Variants in CYP4A11 observed in about 807,000 individuals in gnomAD.
The protein encoded by CYP4A11 is cytochrome P450 family 4 subfamily A member 11.
In CYP4A11, 52 loss-of-function variants were observed where a neutral mutation model predicts 57.7. The ratio of observed to expected loss-of-function variants is 0.90; its 90% confidence interval spans 0.72 to 1.14. CYP4A11 has a LOEUF of 1.14. Among genes scored for constraint, CYP4A11 ranks in the 50% most tolerant of loss-of-function variants. The probability of loss-of-function intolerance (pLI) is 0.00; values close to 1 mark genes in which losing one functional copy is unlikely to be tolerated. For synonymous variants in CYP4A11, 228 were observed against 247.1 expected (o/e 0.92, Z 0.72); for missense variants, 641 against 642.1 (o/e 1.00, Z 0.02).
intron 9 of CYP4A11, 25 bp downstream of exon 9, chr1:46,933,921 G>A (rs574612827): frequency 6.2e-7 from 1 of 1,613,856 alleles, no homozygotes; most frequent in African/African-American, 1.3e-5. Flanking sequence ...GAGAGTTTAG[G>A]TGAGAGGGTG....
At chr1:46,932,151 A>C in intron 11 of CYP4A11, 1 of 986,316 alleles carries the variant, frequency 1.0e-6, no homozygotes, top group Non-Finnish European at 1.2e-6. Context: ...ATGCAGTAAA[A>C]ATTTCATTGG....
At chr1:46,936,256 G>A (rs1480213217) in intron 4 of CYP4A11, among the ~76,000 whole-genome samples, 2 of 152,212 alleles carry the variant, frequency 1.3e-5, no homozygotes, top group Non-Finnish European at 2.9e-5. Context: ...GCAGAAACCC[G>A]GGGCCCCAGG....
chr1:46,930,857 C>T (rs1485148411), intron 11 of CYP4A11, among the ~76,000 whole-genome samples: 1 of 152,058 alleles, frequency 6.6e-6, no homozygotes, highest in Admixed American at 6.5e-5. Context: ...TCAGTGTTGC[C>T]CCACCTGCCT....
At chr1:46,941,201 T>C (rs533214883) in intron 1 of CYP4A11, 38 bp downstream of exon 1, 3 of 1,593,314 alleles carry the variant, frequency 1.9e-6, no homozygotes, top group Non-Finnish European at 2.6e-6. Flanking sequence ...GCCCCATCCC[T>C]CTTTGCCCTC....
At chr1:46,937,856 C>T (rs1681508665) in intron 2 of CYP4A11, 140 bp downstream of exon 2, 3 of 1,307,774 alleles carry the variant, frequency 2.3e-6, no homozygotes, top group East Asian at 4.8e-5. Context: ...ATAGCCTGGG[C>T]ATGGTGGGCT....
Position 46,933,937 on chromosome 1 carries a change from A to T in CYP4A11, c.1222+9T>A, listed in dbSNP as rs376768886. ...AGAGTTTAGGTGAGAGGGTGGGGGA[A>T]CTTCATACCTTTGGGCAAGGAGCGC... On this transcript the variant is annotated intron_variant, in intron 9 of 11. Transcript: ENST00000310638. 8 of 1,613,948 alleles carry T rather than the reference A, an allele frequency of 5.0e-6. No homozygotes were observed. Among genetic ancestry groups the T allele is most frequent in the Non-Finnish European group, 6.8e-6 (8 of 1,179,994 alleles).
intron 4 of CYP4A11, 89 bp downstream of exon 4, chr1:46,936,575 T>C: frequency 2.0e-6 from 3 of 1,485,204 alleles, no homozygotes; most frequent in Non-Finnish European, 2.7e-6. Context: ...TATGTCTATG[T>C]CTGCCTGTGG....
intron 11 of CYP4A11, chr1:46,931,482 T>A: frequency 1.2e-6 from 1 of 842,052 alleles, no homozygotes. Context: ...TCATGCTGCA[T>A]AGGACTTGAC....
intron 4 of CYP4A11, 150 bp from the exon 5 acceptor site, chr1:46,935,797 A>G: frequency 6.9e-7 from 1 of 1,453,186 alleles, no homozygotes; most frequent in Non-Finnish European, 9.2e-7. Context: ...GAGCAGATGC[A>G]TTGTAGAAAC....
chr1:46,933,858 T>C, intron 9 of CYP4A11, 88 bp downstream of exon 9: 1 of 1,555,844 alleles, frequency 6.4e-7, no homozygotes, highest in Non-Finnish European at 8.7e-7. Flanking sequence ...GACCCAGAGA[T>C]GTGCAGAATT....
At position 46,934,177 on chromosome 1, in the gene CYP4A11, A is replaced by T. The variant is rs2148456996; in HGVS notation, c.1087T>A (p.Trp363Arg). 1.2e-6 allele frequency: 2 copies of T among 1,613,786 alleles called. No homozygotes were observed. Among genetic ancestry groups the T allele is most frequent in the Non-Finnish European group, 1.7e-6 (2 of 1,179,854 alleles). The change falls in exon 8 of 12, where the codon TGG becomes AGG. Residue 363 changes from tryptophan (W) to arginine (R), a missense_variant and splice_region_variant. Transcript: ENST00000310638. The stretch of plus-strand genomic sequence containing the variant: ...CCCATCTTTTGAGCCCTCACTCACC[A>T]GGTGATGGAGGCTCCATCACCCAGG... The part of the protein sequence containing the change: ...SLLGDGASIT[W>R]NHLDQMPYTT...
At chr1:46,940,532 C>T (rs999321740) in intron 1 of CYP4A11, 8 of 356,718 alleles carry the variant, frequency 2.2e-5, no homozygotes, top group South Asian at 1.2e-4. Context: ...AGGAGGTCAA[C>T]ACACCCTGTT....
chr1:46,936,636 T>G, intron 4 of CYP4A11, 28 bp downstream of exon 4: 2 of 1,559,684 alleles, frequency 1.3e-6, no homozygotes, highest in Non-Finnish European at 8.7e-7. Flanking sequence ...TGAGTGGGTG[T>G]GGGGAGAGGA....
intron 9 of CYP4A11, among the ~76,000 whole-genome samples, chr1:46,933,273 T>C (rs1417757739): frequency 6.6e-6 from 1 of 152,196 alleles, no homozygotes; most frequent in Admixed American, 6.5e-5. Flanking sequence ...CAAGAAAGAA[T>C]CAGAGCATTA....
intron 6 of CYP4A11, 129 bp downstream of exon 6, chr1:46,934,871 G>A (rs1681278259): frequency 1.4e-6 from 2 of 1,475,278 alleles, no homozygotes; most frequent in East Asian, 2.3e-5. Context: ...CCCTGAGCAA[G>A]GGAATTCCCC....
Position 46,934,168 on chromosome 1 carries a change from T to A in CYP4A11, c.1088+8A>T, listed in dbSNP as rs781355462. The A allele has an allele frequency of 2.5e-6, 4 of 1,613,350 alleles. No individual in the cohort carries two copies. The highest frequency in any genetic ancestry group is 3.4e-6 in the Non-Finnish European group (4 of 1,179,654). On this transcript the variant is annotated splice_region_variant and intron_variant, in intron 8 of 11. Coordinates refer to ENST00000310638, the MANE Select transcript of CYP4A11 (RefSeq NM_000778.4). Reference sequence around the variant, plus strand: ...GCAGGGAACCCCATCTTTTGAGCCCTCACTCACCAGGTGATGGAGGCTCCA... The same window carrying A: ...GCAGGGAACCCCATCTTTTGAGCCCACACTCACCAGGTGATGGAGGCTCCA...
rs548936691 is a variant in CYP4A11 at position 46,931,917 on chromosome 1, C to A, written c.1364+844G>T. ...GGAGTTTTCCTCTCCAGCTCAAAAG[C>A]AATTTCAAGTGTGTTTTATATTTCA... On this transcript the variant is annotated intron_variant, in intron 11 of 11. Transcript: ENST00000310638. 5 of 984,114 alleles carry A rather than the reference C, an allele frequency of 5.1e-6. No homozygotes were observed. The East Asian group carries it at 3.4e-4, about 67-fold the overall frequency. 61.0% of individuals were successfully genotyped at this position (984,114 alleles called of 1,614,324 possible).
At chr1:46,937,072 G>A (rs1461349228) in intron 3 of CYP4A11, among the ~76,000 whole-genome samples, 1 of 152,140 alleles carries the variant, frequency 6.6e-6, no homozygotes, top group Non-Finnish European at 1.5e-5. Context: ...TAAATGTGAG[G>A]CCAAGGATGT....
intron 1 of CYP4A11, 85 bp downstream of exon 1, chr1:46,941,154 G>C: frequency 3.9e-6 from 6 of 1,526,410 alleles, no homozygotes; most frequent in Non-Finnish European, 5.3e-6. Context: ...TACAAAACAA[G>C]GCTTTGCTCT....
Sources: allele counts gnomAD v4.1 joint callset (sites outside exome capture counted in the v4.1 genomes callset), GRCh38; gene constraint gnomAD v4.1.1; transcripts MANE v1.5; gene names NCBI Gene and HGNC (gene_info 2026-07-23, HGNC 2026-07-21).